The following SRPK2 variants were observed in gnomAD, a reference collection of about 807,000 sequenced individuals.
SRPK2 encodes SRSF protein kinase 2, also known as SFRS protein kinase 2.
Under a neutral mutation model 90.8 loss-of-function variants are expected in SRPK2, and 21 were observed. The ratio of observed to expected loss-of-function variants is 0.23; its 90% CI spans 0.16 to 0.33. SRPK2 has a LOEUF of 0.33. Ranked by LOEUF, SRPK2 falls within the 10% of genes least tolerant of loss-of-function variation. The probability of loss-of-function intolerance (pLI) is 1.00; values close to 1 mark genes in which losing one functional copy is unlikely to be tolerated. For missense variants in SRPK2, 620 were observed against 869.0 expected (o/e 0.71, Z 3.60); for synonymous variants, 288 against 311.1 (o/e 0.93, Z 0.78).
chr7:105,323,254 T>G (rs1310817722), intron 2 of SRPK2, among the ~76,000 whole-genome samples: 1 of 152,126 alleles, frequency 6.6e-6, no homozygotes, highest in Non-Finnish European at 1.5e-5. Context: ...ATATTGAAAT[T>G]TTATGCTAGA....
intron 3 of SRPK2, among the ~76,000 whole-genome samples, chr7:105,184,886 T>C: frequency 6.6e-6 from 1 of 152,230 alleles, no homozygotes; most frequent in East Asian, 1.9e-4. Flanking sequence ...ATTGGGACTT[T>C]ATGATAGTTT....
chr7:105,118,358 G>A (rs1021549032), intron 15 of SRPK2, among the ~76,000 whole-genome samples: 4 of 152,088 alleles, frequency 2.6e-5, no homozygotes, highest in Non-Finnish European at 4.4e-5. Context: ...TTTCAACCTG[G>A]GATCTTCCGT....
chr7:105,367,105 T>C (rs1229768263), intron 2 of SRPK2, among the ~76,000 whole-genome samples: 1 of 151,758 alleles, frequency 6.6e-6, no homozygotes, highest in African/African-American at 2.4e-5. Context: ...TAGGATAGTC[T>C]CGAACTCCTG....
At chr7:105,351,763 C>T in intron 2 of SRPK2, among the ~76,000 whole-genome samples, 1 of 147,882 alleles carries the variant, frequency 6.8e-6, no homozygotes, top group South Asian at 2.1e-4. Context: ...AAGATTGTGC[C>T]ATTGCACTCC....
At chr7:105,236,673 A>G (rs1294550300) in intron 2 of SRPK2, among the ~76,000 whole-genome samples, 1 of 152,054 alleles carries the variant, frequency 6.6e-6, no homozygotes, top group Admixed American at 6.5e-5. Context: ...CAATGATACC[A>G]CTTATAACAA....
Position 105,143,264 on chromosome 7 carries a change from A to G in SRPK2, c.880T>C (p.Leu294=), listed in dbSNP as rs748768771. ...TCTATCTCCTGCAGGCGCTTCTCCA[A>G]TAACTCAGCCTGCCTCTTCTGTTTC... The part of the protein sequence containing the change: ...KKKQKRQAEL[L]EKRLQEIEEL... Residue 294 remains leucine, a synonymous_variant, in exon 10 of 16, where the codon TTG becomes CTG. Transcript: ENST00000393651. 1.0e-4 allele frequency: 164 copies of G among 1,613,992 alleles called. No individual in the cohort carries two copies. Among genetic ancestry groups the G allele is most frequent in the Non-Finnish European group, 1.3e-4 (152 of 1,180,016 alleles).
rs1032901764 is a variant in SRPK2, at chr7:105,298,738, G to A, written c.71+89910C>T. On this transcript the variant is annotated intron_variant, in intron 2 of 15. Coordinates refer to ENST00000393651, the MANE Select transcript of SRPK2 (RefSeq NM_182692.3). ...CATCCCTCCTCAGCTGATGCCTCAC[G>A]TTAGCAGTAGGAGACAGCAGAGGCA... 2.2e-5 allele frequency: 22 copies of A among 985,392 alleles called. No homozygotes were observed. The Admixed American group carries it at 8.6e-4, about 39-fold the overall frequency. 61.0% of individuals were successfully genotyped at this position (985,392 alleles called of 1,614,324 possible). A position where few individuals can be genotyped will look rare whatever the true frequency, so the allele number is the denominator to read the frequency against.
At chr7:105,118,759 A>G (rs1200794890) in intron 15 of SRPK2, among the ~76,000 whole-genome samples, 1 of 151,878 alleles carries the variant, frequency 6.6e-6, no homozygotes, top group African/African-American at 2.4e-5. Context: ...TCTCTACTTA[A>G]AAAGAAAAAA....
chr7:105,354,118 G>C (rs1032245011), intron 2 of SRPK2, among the ~76,000 whole-genome samples: 1 of 152,192 alleles, frequency 6.6e-6, no homozygotes, highest in African/African-American at 2.4e-5. Context: ...TGTGGAGCAA[G>C]AATGTGCCAA....
intron 1 of SRPK2, among the ~76,000 whole-genome samples, chr7:105,398,748 C>T (rs1202745403): frequency 2.0e-5 from 3 of 152,166 alleles, no homozygotes; most frequent in African/African-American, 7.2e-5. Context: ...GGCAATAGCA[C>T]CATCATAATA....
chr7:105,160,906 C>A (rs1332331056), intron 6 of SRPK2, among the ~76,000 whole-genome samples: 25 of 152,130 alleles, frequency 1.6e-4, no homozygotes, highest in Admixed American at 5.2e-4. Context: ...ATATACATAA[C>A]CTATTCACAT....
At chr7:105,287,508 G>C (rs528723944) in intron 2 of SRPK2, among the ~76,000 whole-genome samples, 1 of 152,086 alleles carries the variant, frequency 6.6e-6, no homozygotes, top group African/African-American at 2.4e-5. Flanking sequence ...AGGCTGAGGA[G>C]GGGAGATCAC....
chr7:105,327,005 T>A (rs539705169), intron 2 of SRPK2, among the ~76,000 whole-genome samples: 1 of 138,912 alleles, frequency 7.2e-6, no homozygotes, highest in South Asian at 2.2e-4. Flanking sequence ...GGAGGCTGCA[T>A]AAAGCTGAGA....
chr7:105,120,311 C>T (rs1387888186), intron 15 of SRPK2, among the ~76,000 whole-genome samples: 7 of 152,118 alleles, frequency 4.6e-5, no homozygotes, highest in Admixed American at 3.3e-4. Flanking sequence ...ATTTCTGAGG[C>T]GCCAGGTGTT....
chr7:105,257,902 G>A (rs1249498996), intron 2 of SRPK2, among the ~76,000 whole-genome samples: 2 of 152,056 alleles, frequency 1.3e-5, no homozygotes, highest in African/African-American at 4.8e-5. Flanking sequence ...AAGAGGTCAG[G>A]AGACTGAGAC....
chr7:105,368,060 A>G (rs1044641802), intron 2 of SRPK2, among the ~76,000 whole-genome samples: 2 of 152,230 alleles, frequency 1.3e-5, no homozygotes, highest in African/African-American at 4.8e-5. Context: ...CTGATCACAA[A>G]GAAGAGGCAG....
chr7:105,267,265 T>A (rs1805213587), intron 2 of SRPK2, among the ~76,000 whole-genome samples: 1 of 152,206 alleles, frequency 6.6e-6, no homozygotes, highest in Non-Finnish European at 1.5e-5. Context: ...ATAATATTCA[T>A]CCACTCTGTC....
At chr7:105,211,453 A>C (rs1796846380) in intron 2 of SRPK2, among the ~76,000 whole-genome samples, 1 of 152,132 alleles carries the variant, frequency 6.6e-6, no homozygotes, top group Non-Finnish European at 1.5e-5. Context: ...AGGAAGAATG[A>C]TGCTGGCATC....
chr7:105,336,855 T>A (rs1022702437), intron 2 of SRPK2, among the ~76,000 whole-genome samples: 5 of 152,138 alleles, frequency 3.3e-5, no homozygotes. Context: ...CAGGCTGGAG[T>A]GCAATGGTGC....
Sources: gnomAD v4.1 joint callset for allele counts (sites outside exome capture counted in the v4.1 genomes callset) on GRCh38, gnomAD v4.1.1 for gene constraint, MANE v1.5 for transcripts, NCBI Gene and HGNC (gene_info 2026-07-23, HGNC 2026-07-21) for gene names.